The following TTC1 variants were observed in gnomAD, a reference collection of about 807,000 sequenced individuals.
The protein encoded by TTC1 is tetratricopeptide repeat domain 1.
In TTC1, 31 loss-of-function variants were observed where a neutral mutation model predicts 37.6. That is an observed-to-expected ratio of 0.82 (90% CI 0.62 to 1.11). The LOEUF (loss-of-function observed/expected upper bound fraction) is 1.11. TTC1 is among the 50% of genes most tolerant of loss of function. The pLI is 0.00. For missense variants in TTC1, 351 were observed against 339.0 expected (o/e 1.04, Z -0.28); for synonymous variants, 127 against 122.4 (o/e 1.04, Z -0.25).
At chr5:160,019,721 G>T (rs979491362) in intron 2 of TTC1, among the ~76,000 whole-genome samples, 4 of 151,292 alleles carry the variant, frequency 2.6e-5, no homozygotes, top group African/African-American at 9.7e-5. Flanking sequence ...AGTAGCTGGG[G>T]CTACAGGCGT....
intron 7 of TTC1, among the ~76,000 whole-genome samples, chr5:160,063,956 T>C (rs1753514469): frequency 6.9e-6 from 1 of 145,504 alleles, no homozygotes; most frequent in South Asian, 2.2e-4. Context: ...CCGCTGGCTA[T>C]AGACCATGAC....
chr5:160,012,965 T>G (rs1319083884), intron 2 of TTC1, among the ~76,000 whole-genome samples: 3 of 152,178 alleles, frequency 2.0e-5, no homozygotes, highest in Non-Finnish European at 4.4e-5. Flanking sequence ...CCATAGGTGG[T>G]TTTTTCCTGT....
chr5:160,036,768 C>G lies in TTC1; in HGVS notation c.469C>G (p.Leu157Val), dbSNP rs202075145. 8.1e-5 allele frequency: 131 copies of G among 1,613,890 alleles called. No homozygotes were observed. Among genetic ancestry groups the G allele is most frequent in the Non-Finnish European group, 1.1e-4 (130 of 1,179,906 alleles). The change falls in exon 4 of 8, where the codon CTA becomes GTA. Residue 157 changes from leucine to valine, a missense_variant. Physicochemically the swap from Leu to Val is conservative, Grantham distance 32. Transcript: ENST00000231238. The part of the protein sequence containing the change: ...PSCFQKERSI[L>V]FSNRAAARMK... ...CTGCTTCCAAAAGGAGAGGTCGATT[C>G]TATTTTCAAATAGAGCTGCAGCAAG...
At chr5:160,021,669 T>C (rs1389499362) in intron 2 of TTC1, among the ~76,000 whole-genome samples, 82 of 152,324 alleles carry the variant, frequency 5.4e-4, no homozygotes, top group Non-Finnish European at 4.4e-5. Context: ...AGAACAGATA[T>C]GTCTTTATGT....
chr5:160,023,314 T>TA (rs1756745329), intron 2 of TTC1, among the ~76,000 whole-genome samples: 1 of 141,352 alleles, frequency 7.1e-6, no homozygotes, highest in Non-Finnish European at 1.5e-5. Flanking sequence ...TTTTTGGAAA[T>TA]AGAGTTTTGC....
chr5:160,022,094 T>C (rs977335473), intron 2 of TTC1, among the ~76,000 whole-genome samples: 12 of 149,322 alleles, frequency 8.0e-5, no homozygotes, highest in East Asian at 1.9e-4. Flanking sequence ...GTTTTCCCCC[T>C]GTTTGTCTGT....
At chr5:160,026,704 T>G (rs967714654) in intron 2 of TTC1, among the ~76,000 whole-genome samples, 4 of 152,208 alleles carry the variant, frequency 2.6e-5, no homozygotes, top group African/African-American at 9.6e-5. Flanking sequence ...AAAGTATGCA[T>G]CCTATAGTCA....
At chr5:160,044,060 A>G (rs954085395) in intron 5 of TTC1, among the ~76,000 whole-genome samples, 2 of 152,158 alleles carry the variant, frequency 1.3e-5, no homozygotes, top group African/African-American at 4.8e-5. Flanking sequence ...AATGTACATA[A>G]TCACTTTTTC....
chr5:160,038,765 C>A (rs566335583), intron 4 of TTC1: 3 of 149,734 alleles, frequency 2.0e-5, no homozygotes, highest in Admixed American at 6.8e-5. Context: ...CGTGTTCAAG[C>A]GATTCTCCTG....
intron 2 of TTC1, among the ~76,000 whole-genome samples, chr5:160,022,611 G>C (rs545201179): frequency 6.6e-6 from 1 of 152,192 alleles, no homozygotes; most frequent in South Asian, 2.1e-4. Context: ...GCAGATAGGG[G>C]TACTATGTTA....
chr5:160,038,612 A>T (rs1461731318), intron 4 of TTC1, among the ~76,000 whole-genome samples: 2 of 152,096 alleles, frequency 1.3e-5, no homozygotes, highest in Non-Finnish European at 2.9e-5. Context: ...TGCCTGTTCA[A>T]AGAATAGTTT....
rs1327917171 is a variant in TTC1, at chr5:160,039,464, A to ATT, written c.504+2673_504+2674dup. Among the ~76,000 whole-genome samples the ATT allele has an allele frequency of 1.6e-3, 229 of 144,702 alleles. 3 individuals are homozygous for ATT. Among genetic ancestry groups the ATT allele is most frequent in the African/African-American group, 5.6e-3 (221 of 39,688 alleles). The allele number at this position is 144,702 out of a possible 152,430, so 94.9% of individuals were successfully genotyped here. On this transcript the variant is annotated intron_variant, in intron 4 of 7. Transcript: ENST00000231238. ...ATTATGAAAGAATGGTAAAGTTGTG[A>ATT]TTTTTTTTTTTTTCCCACACACTCC...
chr5:160,042,080 C>T (rs1757108552), intron 4 of TTC1, among the ~76,000 whole-genome samples: 1 of 152,138 alleles, frequency 6.6e-6, no homozygotes, highest in Admixed American at 6.5e-5. Context: ...CAGGCACCCA[C>T]CACCACACCC....
intron 6 of TTC1, among the ~76,000 whole-genome samples, chr5:160,050,099 T>C (rs1163340204): frequency 6.6e-6 from 1 of 151,790 alleles, no homozygotes; most frequent in African/African-American, 2.4e-5. Flanking sequence ...CAGTGAGCTG[T>C]GACTACATCA....
At chr5:160,026,015 G>A (rs1336659774) in intron 2 of TTC1, among the ~76,000 whole-genome samples, 7 of 152,220 alleles carry the variant, frequency 4.6e-5, no homozygotes, top group African/African-American at 1.2e-4. Context: ...ACTATAGCTA[G>A]TAAGTCAGAA....
chr5:160,043,170 G>A lies in TTC1; in HGVS notation c.541+1G>A, dbSNP rs139644428. On this transcript the variant is annotated splice_donor_variant, in intron 5 of 7. Transcript: ENST00000231238. LOFTEE classifies it high-confidence loss of function. ...ATGGCCATCAATGACTGCAGCAAAG[G>A]TACAGCTTTATTATCTTATTACATG... is the stretch of plus-strand genomic sequence containing the variant. 3 of 1,613,196 alleles carry A rather than the reference G, an allele frequency of 1.9e-6. No homozygotes were observed. The highest frequency in any genetic ancestry group is 2.5e-6 in the Non-Finnish European group (3 of 1,179,606).
At chr5:160,037,497 C>T (rs1462089605) in intron 4 of TTC1, among the ~76,000 whole-genome samples, 1 of 152,198 alleles carries the variant, frequency 6.6e-6, no homozygotes, top group Non-Finnish European at 1.5e-5. Context: ...GGGCACATCA[C>T]CTGAGATCAG....
intron 2 of TTC1, among the ~76,000 whole-genome samples, chr5:160,020,286 G>A (rs919107073): frequency 4.3e-4 from 66 of 152,274 alleles, no homozygotes; most frequent in African/African-American, 1.5e-3. Context: ...GTCTACAAAC[G>A]ATTAAATCAA....
chr5:160,042,433 T>C (rs1757116135), intron 4 of TTC1, among the ~76,000 whole-genome samples: 1 of 152,194 alleles, frequency 6.6e-6, no homozygotes, highest in African/African-American at 2.4e-5. Context: ...TAACATCCAG[T>C]CTACCCCGCT....
Sources: gnomAD v4.1 joint callset for allele counts (sites outside exome capture counted in the v4.1 genomes callset) on GRCh38, gnomAD v4.1.1 for gene constraint, MANE v1.5 for transcripts, NCBI Gene and HGNC (gene_info 2026-07-23, HGNC 2026-07-21) for gene names.